Variants in RPRD1A observed in about 807,000 individuals in gnomAD.
RPRD1A encodes regulation of nuclear pre-mRNA domain containing 1A.
Under a neutral mutation model 37.8 loss-of-function variants are expected in RPRD1A, and 9 were observed. The observed-to-expected ratio is 0.24, with a 90% CI of 0.14 to 0.42. The LOEUF is 0.42. Ranked by LOEUF, RPRD1A falls within the 10% of genes least tolerant of loss-of-function variation. The pLI is 1.00. For missense variants in RPRD1A, 255 were observed against 371.0 expected (o/e 0.69, Z 2.57); for synonymous variants, 138 against 139.7 (o/e 0.99, Z 0.08).
chr18:36,033,244 G>A (rs1344616422), intron 2 of RPRD1A, among the ~76,000 whole-genome samples: 1 of 132,566 alleles, frequency 7.5e-6, no homozygotes, highest in Non-Finnish European at 1.5e-5. Context: ...AGAGGTTGCA[G>A]TGAGCCAAGA....
intron 6 of RPRD1A, among the ~76,000 whole-genome samples, chr18:35,998,220 G>A (rs1166989868): frequency 6.6e-6 from 1 of 152,084 alleles, no homozygotes; most frequent in African/African-American, 2.4e-5. Context: ...TTAGCTGGGT[G>A]TGGTGGCGGC....
At chr18:36,008,086 A>T (rs1909864952) in intron 6 of RPRD1A, among the ~76,000 whole-genome samples, 1 of 152,118 alleles carries the variant, frequency 6.6e-6, no homozygotes, top group South Asian at 2.1e-4. Flanking sequence ...GAAAAATACA[A>T]ATCAAAACAA....
intron 1 of RPRD1A, among the ~76,000 whole-genome samples, chr18:36,063,274 T>C (rs116599228): frequency 0.013 from 2,016 of 152,340 alleles, 40 homozygotes; most frequent in African/African-American, 0.046. Context: ...CCTAAACCTC[T>C]TGGGCTCAAG....
chr18:36,066,788 T>C (rs1410906306), intron 1 of RPRD1A, among the ~76,000 whole-genome samples: 1 of 152,234 alleles, frequency 6.6e-6, no homozygotes, highest in Non-Finnish European at 1.5e-5. Context: ...GCATTACCCA[T>C]CTTCTTATAT....
chr18:36,048,216 G>A (rs556808399), intron 1 of RPRD1A, among the ~76,000 whole-genome samples: 4 of 151,914 alleles, frequency 2.6e-5, no homozygotes, highest in African/African-American at 4.8e-5. Flanking sequence ...ACAGGCATGC[G>A]CCACCACACC....
chr18:36,061,260 C>G (rs1455215231), intron 1 of RPRD1A, among the ~76,000 whole-genome samples: 1 of 152,146 alleles, frequency 6.6e-6, no homozygotes, highest in Non-Finnish European at 1.5e-5. Context: ...ACTATAAATT[C>G]TGAGGGCAGG....
At chr18:36,009,740 A>G (rs1910054337) in intron 6 of RPRD1A, among the ~76,000 whole-genome samples, 1 of 152,258 alleles carries the variant, frequency 6.6e-6, no homozygotes, top group South Asian at 2.1e-4. Context: ...GCATTACCCA[A>G]CATGGTAGCT....
intron 6 of RPRD1A, among the ~76,000 whole-genome samples, chr18:36,005,438 T>C (rs184385292): frequency 1.7e-3 from 256 of 152,354 alleles, no homozygotes; most frequent in Middle Eastern, 6.8e-3. Context: ...GTTTTTCTAT[T>C]TTTCAGTATT....
chr18:35,993,202 A>G lies in RPRD1A; in HGVS notation c.888T>C (p.Thr296=). 1 of 1,614,188 alleles carries G rather than the reference A, an allele frequency of 6.2e-7. No individual in the cohort carries two copies. The highest frequency in any genetic ancestry group is 8.5e-7 in the Non-Finnish European group (1 of 1,180,004). ...LPDLSRLPNV[T]GSHMHLPFAG... is the part of the protein sequence containing the mutation. ...CAAAGGGCAGGTGCATGTGGCTGCCAGTGACATTGGGCAATCGAGATAAGT... is the reference window on the plus strand; with the variant it reads ...CAAAGGGCAGGTGCATGTGGCTGCCGGTGACATTGGGCAATCGAGATAAGT... The change falls in exon 7 of 7, where the codon ACT becomes ACC. Residue 296 remains threonine (T), a synonymous_variant. Coordinates refer to ENST00000399022, the MANE Select transcript of RPRD1A (RefSeq NM_018170.5).
intron 1 of RPRD1A, among the ~76,000 whole-genome samples, chr18:36,057,815 T>C (rs968786736): frequency 3.9e-5 from 6 of 152,140 alleles, no homozygotes; most frequent in African/African-American, 7.2e-5. Context: ...ATACTTCAAA[T>C]CTTAAACCAA....
Position 36,036,511 on chromosome 18 carries a change from T to A in RPRD1A, c.152-2674A>T, listed in dbSNP as rs143436777. ...TGTTTTCCAAAGGACAAATTCCATA[T>A]GAGGTGATTGAGCATGGGGTCCAAA... is the stretch of plus-strand genomic sequence containing the variant. On this transcript the variant is annotated intron_variant, in intron 1 of 6. Transcript: ENST00000399022. Among the ~76,000 whole-genome samples, 861 of 152,300 alleles carry A rather than the reference T, an allele frequency of 5.7e-3. 8 individuals are homozygous for A. Among genetic ancestry groups the A allele is most frequent in the Non-Finnish European group, 9.6e-3 (655 of 68,026 alleles).
At chr18:36,033,566 T>C (rs1319177684) in intron 2 of RPRD1A, 142 bp downstream of exon 2, 2 of 589,480 alleles carry the variant, frequency 3.4e-6, no homozygotes, top group East Asian at 3.1e-5. Flanking sequence ...ATAAATGCCA[T>C]GTAGAGGGAA....
rs190125545 is a variant in RPRD1A at position 36,036,700 on chromosome 18, G to A, written c.152-2863C>T. Among the ~76,000 whole-genome samples, 75 of 152,028 alleles carry A rather than the reference G, an allele frequency of 4.9e-4. No homozygotes were observed. In the East Asian group the frequency reaches 0.01, roughly 20 times the overall value. Reference sequence around the variant, plus strand: ...ATACATACAGCAAATAATTAATGGCGGTAATCACAGCAAGCAATCCAAGAA... The same window carrying A: ...ATACATACAGCAAATAATTAATGGCAGTAATCACAGCAAGCAATCCAAGAA... On this transcript the variant is annotated intron_variant, in intron 1 of 6. Coordinates refer to ENST00000399022, the MANE Select transcript of RPRD1A (RefSeq NM_018170.5).
rs116124354 is a variant in RPRD1A, at chr18:36,013,007, A to T, written c.789+13893T>A. Among the ~76,000 whole-genome samples, 441 of 152,276 alleles carry T rather than the reference A, an allele frequency of 2.9e-3. 1 individual carries two copies. Among genetic ancestry groups the T allele is most frequent in the African/African-American group, 9.9e-3 (412 of 41,552 alleles). On this transcript the variant is annotated intron_variant, in intron 6 of 6. Transcript: ENST00000399022. The stretch of plus-strand genomic sequence containing the variant: ...TGTGGTTTCCAGAGGTACAGGGAGG[A>T]TTCAGGGAGTACAATACCAGAATAA...
In RPRD1A at chr18:36,008,589, A is replaced by ATATATATATATATATATATATATATATC. The variant is rs71381561; in HGVS notation, c.790-15290_790-15289insGATATATATATATATATATATATATATA. ...AGACCTTGTGTGTGTATATATATAT[A>ATATATATATATATATATATATATATATC]TCTTTAAAAATCTCTCTAGGAAAAA... is the stretch of plus-strand genomic sequence containing the variant. On this transcript the variant is annotated intron_variant, in intron 6 of 6. Transcript: ENST00000399022. Among the ~76,000 whole-genome samples, 747 of 90,558 alleles carry ATATATATATATATATATATATATATATC rather than the reference A, an allele frequency of 8.2e-3. 92 individuals carry two copies. The highest frequency in any genetic ancestry group is 0.011 in the Non-Finnish European group (471 of 44,694). 59.4% of individuals were successfully genotyped at this position (90,558 alleles called of 152,430 possible). A position where few individuals can be genotyped will look rare whatever the true frequency, so the allele number is the denominator to read the frequency against.
At chr18:36,015,012 T>A (rs1029993355) in intron 6 of RPRD1A, among the ~76,000 whole-genome samples, 1 of 151,884 alleles carries the variant, frequency 6.6e-6, no homozygotes, top group African/African-American at 2.4e-5. Flanking sequence ...CAAAATGTTG[T>A]AGCACTATGG....
chr18:36,043,003 T>C (rs1420638135), intron 1 of RPRD1A, among the ~76,000 whole-genome samples: 1 of 152,146 alleles, frequency 6.6e-6, no homozygotes, highest in African/African-American at 2.4e-5. Flanking sequence ...TTAAGGATAT[T>C]CATGACAGCA....
chr18:36,057,443 C>CA (rs1489266106), intron 1 of RPRD1A, among the ~76,000 whole-genome samples: 1 of 151,952 alleles, frequency 6.6e-6, no homozygotes, highest in African/African-American at 2.4e-5. Context: ...ACGGTCTCTA[C>CA]AAAAAATACA....
Position 36,026,776 on chromosome 18 carries a change from G to T in RPRD1A, c.789+124C>A, listed in dbSNP as rs752102574. On this transcript the variant is annotated intron_variant, in intron 6 of 6. Coordinates refer to ENST00000399022, the MANE Select transcript of RPRD1A (RefSeq NM_018170.5). ...ATTAATACAAGGAGAAGCTTACCTG[G>T]GCTACTGCTTAAAAAGGTCTATGTT... is the stretch of plus-strand genomic sequence containing the variant. The T allele has an allele frequency of 1.9e-5, 13 of 696,056 alleles. No homozygotes were observed. The East Asian group carries it at 3.7e-4, about 20-fold the overall frequency. 43.1% of individuals were successfully genotyped at this position (696,056 alleles called of 1,614,324 possible). A position where few individuals can be genotyped will look rare whatever the true frequency, so the allele number is the denominator to read the frequency against.
Sources: allele counts gnomAD v4.1 joint callset (sites outside exome capture counted in the v4.1 genomes callset), GRCh38; gene constraint gnomAD v4.1.1; transcripts MANE v1.5; gene names NCBI Gene and HGNC (gene_info 2026-07-23, HGNC 2026-07-21).